ADAM12: variants seen among roughly 807,000 people sequenced by gnomAD.
ADAM12 encodes the protein disintegrin and metalloproteinase domain-containing protein 12.
ADAM12 carries 70 observed loss-of-function variants against 106.4 expected under a neutral mutation model. That is an observed-to-expected ratio of 0.66 (90% CI 0.54 to 0.80). The LOEUF is 0.80. ADAM12 is among the 30% of genes least tolerant of loss of function. ADAM12 has a pLI of 0.00. For synonymous variants in ADAM12, 420 were observed against 433.5 expected, an observed-to-expected ratio of 0.97 and a Z score of 0.39; for missense variants, 1,010 against 1,171.9, an observed-to-expected ratio of 0.86 and a Z score of 2.02.
chr10:126,228,082 C>G (rs1170330612), intron 3 of ADAM12, among the ~76,000 whole-genome samples: 1 of 152,158 alleles, frequency 6.6e-6, no homozygotes, highest in African/African-American at 2.4e-5. Flanking sequence ...CAGACACTGC[C>G]AGTCCTCACT....
chr10:126,246,088 G>A (rs888735193), intron 3 of ADAM12, among the ~76,000 whole-genome samples: 6 of 152,136 alleles, frequency 3.9e-5, no homozygotes, highest in African/African-American at 1.4e-4. Flanking sequence ...AGGAAAAATG[G>A]TAAAGACAAA....
intron 3 of ADAM12, among the ~76,000 whole-genome samples, chr10:126,240,051 C>T (rs2133648877): frequency 6.6e-6 from 1 of 152,304 alleles, no homozygotes; most frequent in South Asian, 2.1e-4. Context: ...ACTCAGCTCC[C>T]TCCTGGCTTG....
At chr10:126,143,175 T>C (rs958314436) in intron 4 of ADAM12, among the ~76,000 whole-genome samples, 2 of 151,418 alleles carry the variant, frequency 1.3e-5, no homozygotes, top group African/African-American at 4.9e-5. Flanking sequence ...TATATGTATG[T>C]GTGTATATGG....
At chr10:126,360,306 A>G (rs1590824279) in intron 1 of ADAM12, among the ~76,000 whole-genome samples, 1 of 152,116 alleles carries the variant, frequency 6.6e-6, no homozygotes, top group African/African-American at 2.4e-5. Context: ...GCTGGCTTGA[A>G]TTTCTCCTCA....
intron 21 of ADAM12, among the ~76,000 whole-genome samples, chr10:126,029,071 A>G (rs2133386382): frequency 6.6e-6 from 1 of 152,340 alleles, no homozygotes; most frequent in African/African-American, 2.4e-5. Context: ...CATGCCAGTC[A>G]GAATGGCAAT....
intron 4 of ADAM12, among the ~76,000 whole-genome samples, chr10:126,137,900 G>A (rs1017166069): frequency 6.6e-6 from 1 of 152,210 alleles, no homozygotes; most frequent in African/African-American, 2.4e-5. Flanking sequence ...TGCACTATGA[G>A]TAGACACGTG....
At chr10:126,210,028 C>T (rs536319747) in intron 3 of ADAM12, among the ~76,000 whole-genome samples, 3 of 152,204 alleles carry the variant, frequency 2.0e-5, no homozygotes, top group African/African-American at 4.8e-5. Flanking sequence ...CCGGGTACTA[C>T]GTTAACTCTC....
chr10:126,355,622 AG>A (rs1240688409), intron 1 of ADAM12, among the ~76,000 whole-genome samples: 2 of 152,238 alleles, frequency 1.3e-5, no homozygotes, highest in East Asian at 3.9e-4. Context: ...AGGATGCCTC[AG>A]GGCCCATGGT....
intron 5 of ADAM12, among the ~76,000 whole-genome samples, chr10:126,127,300 A>G (rs1956221982): frequency 6.6e-6 from 1 of 152,230 alleles, no homozygotes; most frequent in African/African-American, 2.4e-5. Context: ...CACAAGTGCA[A>G]AGGTGAAGGT....
intron 3 of ADAM12, among the ~76,000 whole-genome samples, chr10:126,226,469 G>T (rs1016488544): frequency 1.3e-5 from 2 of 152,208 alleles, no homozygotes; most frequent in African/African-American, 2.4e-5. Context: ...TGCAATGGTG[G>T]CGCTGCTCCA....
chr10:126,169,711 G>A (rs1957085992), intron 3 of ADAM12, among the ~76,000 whole-genome samples: 1 of 152,068 alleles, frequency 6.6e-6, no homozygotes, highest in Non-Finnish European at 1.5e-5. Flanking sequence ...AGTTCATAAG[G>A]TAGAATAGAA....
At chr10:126,253,159 C>G (rs566012762) in intron 3 of ADAM12, among the ~76,000 whole-genome samples, 3 of 152,314 alleles carry the variant, frequency 2.0e-5, no homozygotes, top group East Asian at 3.9e-4. Flanking sequence ...CAAACCCACC[C>G]TTCCCTGAAC....
intron 1 of ADAM12, among the ~76,000 whole-genome samples, chr10:126,365,058 T>C (rs943502457): frequency 1.3e-5 from 2 of 152,188 alleles, no homozygotes; most frequent in Non-Finnish European, 2.9e-5. Context: ...TGCCATATGT[T>C]AAGGGATATG....
intron 3 of ADAM12, among the ~76,000 whole-genome samples, chr10:126,259,523 T>G (rs571358085): frequency 1.2e-4 from 18 of 152,328 alleles, no homozygotes; most frequent in African/African-American, 4.1e-4. Context: ...ACTCAAAAGG[T>G]CTCAGGCACC....
chr10:126,307,573 T>C (rs1315731855), intron 2 of ADAM12, among the ~76,000 whole-genome samples: 1 of 151,866 alleles, frequency 6.6e-6, no homozygotes, highest in Non-Finnish European at 1.5e-5. Context: ...TCTCACTCTG[T>C]TCTGTTGCCC....
chr10:126,069,492 G>C (rs1260751570), intron 12 of ADAM12, among the ~76,000 whole-genome samples: 1 of 152,228 alleles, frequency 6.6e-6, no homozygotes, highest in Non-Finnish European at 1.5e-5. Context: ...AATAATCAAA[G>C]CTACCCTATA....
intron 1 of ADAM12, among the ~76,000 whole-genome samples, chr10:126,365,712 C>T (rs190357772): frequency 6.7e-4 from 102 of 152,284 alleles, no homozygotes; most frequent in Admixed American, 2.4e-3. Context: ...GGGCAACTGC[C>T]CCCATGATTC....
At chr10:126,165,319 C>T (rs990798541) in intron 3 of ADAM12, among the ~76,000 whole-genome samples, 5 of 152,214 alleles carry the variant, frequency 3.3e-5, no homozygotes, top group African/African-American at 2.4e-5. Flanking sequence ...AGGCACACAC[C>T]ATTACGCCTG....
Position 126,279,126 on chromosome 10 carries a change from T to C in ADAM12, c.187-138A>G, listed in dbSNP as rs1441951139. 3 of 652,006 alleles carry C rather than the reference T, an allele frequency of 4.6e-6. No homozygotes were observed. In the East Asian group the frequency reaches 8.2e-5, roughly 18 times the overall value. 40.4% of individuals were successfully genotyped at this position (652,006 alleles called of 1,614,324 possible). ...AAGAAAGAGCCAAATGCCATCACAATGCAGTGTATAAATGAAGGTTTCTTA... is the reference window on the plus strand; with the variant it reads ...AAGAAAGAGCCAAATGCCATCACAACGCAGTGTATAAATGAAGGTTTCTTA... On this transcript the variant is annotated intron_variant, in intron 2 of 22. Transcript: ENST00000448723.
Sources: allele counts gnomAD v4.1 joint callset (sites outside exome capture counted in the v4.1 genomes callset), GRCh38; gene constraint gnomAD v4.1.1; transcripts MANE v1.5; gene names NCBI Gene and HGNC (gene_info 2026-07-23, HGNC 2026-07-21).